Variants in RIPOR1 observed in about 807,000 individuals in gnomAD.
RIPOR1 encodes the protein RHO family interacting cell polarization regulator 1, also known as rho family-interacting cell polarization regulator 1.
RIPOR1 carries 58 observed loss-of-function variants against 116.5 expected under a neutral mutation model. The observed-to-expected ratio is 0.50, with a 90% CI of 0.40 to 0.62. The LOEUF (loss-of-function observed/expected upper bound fraction) is 0.62, where lower values mean the gene tolerates loss of function less well. Ranked by LOEUF, RIPOR1 falls within the 20% of genes least tolerant of loss-of-function variation. RIPOR1 has a pLI of 0.00. For synonymous variants in RIPOR1, 605 were observed against 650.0 expected (o/e 0.93, Z 1.05); for missense variants, 1,372 against 1,586.2 (o/e 0.86, Z 2.29).
chr16:67,522,703 C>G (rs993550978), intron 1 of RIPOR1, among the ~76,000 whole-genome samples: 1 of 152,154 alleles, frequency 6.6e-6, no homozygotes, highest in African/African-American at 2.4e-5. Flanking sequence ...CTACCCCGCC[C>G]TCACCCCACT....
At chr16:67,536,529 C>T (rs983265035) in intron 1 of RIPOR1, among the ~76,000 whole-genome samples, 9 of 152,046 alleles carry the variant, frequency 5.9e-5, no homozygotes, top group African/African-American at 2.2e-4. Flanking sequence ...GGGGCATTAG[C>T]CTAGGATGCA....
In RIPOR1 at chr16:67,541,994, T is replaced by C. The variant is rs1056995349; in HGVS notation, c.1208T>C (p.Leu403Pro). The C allele has an allele frequency of 1.2e-6, 2 of 1,612,152 alleles. No individual in the cohort carries two copies. The highest frequency in any genetic ancestry group is 8.5e-7 in the Non-Finnish European group (1 of 1,179,406). Residue 403 changes from leucine to proline, a missense_variant, in exon 13 of 22, where the codon CTG becomes CCG. Transcript: ENST00000042381. The surrounding 1 kb of genome is among the most constrained non-coding windows in gnomAD (Gnocchi z 4.6). The stretch of plus-strand genomic sequence containing the variant: ...CGCCACTCACCAGCCCCTAGGCCCC[T>C]GGTGCAGCAGCCCGAGCCCCTTCCC... ...TARHSPAPRP[L>P]VQQPEPLPIQ...
Position 67,537,257 on chromosome 16 carries a change from C to T in RIPOR1, c.-23-1167C>T, listed in dbSNP as rs1174344749. ...CCCCCTACTCTAATGTCTGATACTT[C>T]CTCCACTTAGCGTCTCCATTCTATC... On this transcript the variant is annotated intron_variant, in intron 1 of 21. Coordinates refer to ENST00000042381, the MANE Select transcript of RIPOR1 (RefSeq NM_024519.4). The surrounding 1 kb of genome is among the most constrained non-coding windows in gnomAD (Gnocchi z 4.6). Among the ~76,000 whole-genome samples the T allele has an allele frequency of 6.6e-6, 1 of 152,224 alleles. No individual in the cohort carries two copies.
chr16:67,519,945 C>T (rs1211538412), intron 1 of RIPOR1, among the ~76,000 whole-genome samples: 1 of 150,704 alleles, frequency 6.6e-6, no homozygotes, highest in African/African-American at 2.4e-5. Flanking sequence ...ACCTGTAATC[C>T]CAGCTACTCG....
chr16:67,533,269 G>T (rs1271474386), intron 1 of RIPOR1, among the ~76,000 whole-genome samples: 4 of 152,148 alleles, frequency 2.6e-5, no homozygotes, highest in Non-Finnish European at 5.9e-5. Flanking sequence ...CGCTGCATCT[G>T]GGGAGGCAGC....
At position 67,529,662 on chromosome 16, in the gene RIPOR1, T is replaced by C. The variant is rs2050601493; in HGVS notation, c.-24+748T>C. 1 of 1,212,234 alleles carries C rather than the reference T, an allele frequency of 8.2e-7. No homozygotes were observed. The highest frequency in any genetic ancestry group is 1.1e-6 in the Non-Finnish European group (1 of 875,424). The allele number at this position is 1,212,234 out of a possible 1,614,324, so 75.1% of individuals were successfully genotyped here. A position where few individuals can be genotyped will look rare whatever the true frequency, so the allele number is the denominator to read the frequency against. On this transcript the variant is annotated intron_variant, in intron 1 of 21. Coordinates refer to ENST00000042381, the MANE Select transcript of RIPOR1 (RefSeq NM_024519.4). This position sits in a 1 kb window ranked among gnomAD's most constrained non-coding sequence, Gnocchi z 4.1. Reference sequence around the variant, plus strand: ...GGTGAGCCCTGAGTCCGGCCTCCCCTACAGACCCTCCCCAGCCAGTTCTAA... The same window carrying C: ...GGTGAGCCCTGAGTCCGGCCTCCCCCACAGACCCTCCCCAGCCAGTTCTAA...
At chr16:67,523,546 A>C (rs1269130471) in intron 1 of RIPOR1, among the ~76,000 whole-genome samples, 3 of 148,688 alleles carry the variant, frequency 2.0e-5, no homozygotes, top group Admixed American at 1.3e-4. Flanking sequence ...AAAAAAAAAA[A>C]AAACAGTAGT....
upstream of RIPOR1, among the ~76,000 whole-genome samples, chr16:67,526,563 C>T (rs1034577813): frequency 1.3e-5 from 2 of 152,182 alleles, no homozygotes; most frequent in East Asian, 1.9e-4. Context: ...TGCATTTACA[C>T]GTTCAGTTAC....
rs374554782 is a variant in RIPOR1 at position 67,543,478 on chromosome 16, G to C, written c.2600+9G>C. ...GATGTTCCTGGGGACAGGTGAGGGG[G>C]CTAGGCAAGATGGGTGTGAGGCTAG... On this transcript the variant is annotated intron_variant, in intron 14 of 21. Coordinates refer to ENST00000042381, the MANE Select transcript of RIPOR1 (RefSeq NM_024519.4). The surrounding 1 kb of genome is among the most constrained non-coding windows in gnomAD (Gnocchi z 4.7). 1.2e-5 allele frequency: 18 copies of C among 1,549,620 alleles called. No homozygotes were observed. In the African/African-American group the frequency reaches 2.2e-4, roughly 19 times the overall value.
Position 67,544,313 on chromosome 16 carries a change from C to G in RIPOR1, c.2615C>G (p.Pro872Arg). 2 of 1,606,028 alleles carry G rather than the reference C, an allele frequency of 1.2e-6. No homozygotes were observed. The highest frequency in any genetic ancestry group is 1.7e-6 in the Non-Finnish European group (2 of 1,173,842). Residue 872 changes from proline to arginine, a missense_variant, in exon 15 of 22, where the codon CCG (proline) becomes CGG (arginine). Transcript: ENST00000042381. The surrounding 1 kb of genome is among the most constrained non-coding windows in gnomAD (Gnocchi z 5.1). ...TTTTCCCTCAGGCCTCCAAGCAGCC[C>G]GGAGGCTGGGGCTGAGGACAGCATA... ...DVPGDRPPSSPEAGAEDSIDS... is the reference protein window; with the variant it reads ...DVPGDRPPSSREAGAEDSIDS...
In RIPOR1 at chr16:67,546,545, G is replaced by C. The variant is rs994294946; in HGVS notation, c.*82G>C. The C allele has an allele frequency of 6.0e-5, 65 of 1,087,078 alleles. 1 individual carries two copies. In the Middle Eastern group the frequency reaches 1.3e-3, roughly 22 times the overall value. 67.3% of individuals were successfully genotyped at this position (1,087,078 alleles called of 1,614,324 possible). On this transcript the variant is annotated 3_prime_UTR_variant, in exon 22 of 22. Coordinates refer to ENST00000042381, the MANE Select transcript of RIPOR1 (RefSeq NM_024519.4). Reference sequence around the variant, plus strand: ...GCACTGGCAGGGAGGGTAAGGGCTGGCTCCAGATACCCCTCCCCCACAGAT... The same window carrying C: ...GCACTGGCAGGGAGGGTAAGGGCTGCCTCCAGATACCCCTCCCCCACAGAT...
intron 1 of RIPOR1, among the ~76,000 whole-genome samples, chr16:67,523,521 TAAAAAAA>T (rs1169903442): frequency 9.1e-5 from 4 of 44,044 alleles, no homozygotes; most frequent in Non-Finnish European, 1.5e-4. Flanking sequence ...CAAGACTCCA[TAAAAAAA>T]AAAAAAAAAA....
chr16:67,541,062 GTGTC>G lies in RIPOR1; in HGVS notation c.802-362_802-359del, dbSNP rs1472763780. On this transcript the variant is annotated intron_variant, in intron 10 of 21. Transcript: ENST00000042381. This position sits in a 1 kb window ranked among gnomAD's most constrained non-coding sequence, Gnocchi z 4.6. Reference sequence around the variant, plus strand: ...CATCCATGGCTCCATGAGCATGCATGTGTCTGTCTATCTATCTAGGAGTTGGCGG... The same window carrying G: ...CATCCATGGCTCCATGAGCATGCATGTGTCTATCTATCTAGGAGTTGGCGG... Among the ~76,000 whole-genome samples the G allele has an allele frequency of 2.0e-5, 3 of 151,852 alleles. No homozygotes were observed. Among genetic ancestry groups the G allele is most frequent in the Non-Finnish European group, 4.4e-5 (3 of 67,972 alleles).
chr16:67,546,375 G>T lies in RIPOR1; in HGVS notation c.3572G>T (p.Gly1191Val). ...TCCTCACTCATTACAGGAGAAGAGG[G>T]ACAGTCTGCCCATCGACGGCTGGAG... ...RQSLQQCGEE[G>V]QSAHRRLEES... The change falls in exon 22 of 22, where the codon GGA becomes GTA. Residue 1191 changes from glycine (G) to valine (V), a missense_variant. Physicochemically the swap from Gly to Val is moderately radical, Grantham distance 109 (BLOSUM62 -3). Around this residue, in one of 3 missense-constraint regions of RIPOR1, gnomAD observed 1,005 missense variants for 1,144.7 expected, o/e 0.88. Transcript: ENST00000042381. 1 of 1,614,000 alleles carries T rather than the reference G, an allele frequency of 6.2e-7. No homozygotes were observed. Among genetic ancestry groups the T allele is most frequent in the South Asian group, 1.1e-5 (1 of 91,084 alleles).
At position 67,541,749 on chromosome 16, in the gene RIPOR1, G is replaced by A. The variant is rs550258513; in HGVS notation, c.1047G>A (p.Pro349=). The part of the protein sequence containing the change: ...KRFSTYSQSP[P]DTPSLREQAF... ...TCTCCACCTATAGCCAGAGCCCACC[G>A]GACACACCCTCACTTCGGGAACAGG... Residue 349 remains proline, a synonymous_variant, in exon 12 of 22, where the codon CCG becomes CCA. Transcript: ENST00000042381. This position sits in a 1 kb window ranked among gnomAD's most constrained non-coding sequence, Gnocchi z 4.6. The A allele has an allele frequency of 5.5e-4, 883 of 1,614,008 alleles. 20 individuals carry two copies. The South Asian group carries it at 8.4e-3, about 15-fold the overall frequency.
At position 67,537,587 on chromosome 16, in the gene RIPOR1, C is replaced by A. The variant is rs996069270; in HGVS notation, c.-23-837C>A. On this transcript the variant is annotated intron_variant, in intron 1 of 21. Coordinates refer to ENST00000042381, the MANE Select transcript of RIPOR1 (RefSeq NM_024519.4). The surrounding 1 kb of genome is among the most constrained non-coding windows in gnomAD (Gnocchi z 4.6). ...GCCGTCCCGGACCCACCATGAACAC[C>A]AAGAAGAGAGGTAGGACCCAGCTCG... 1 of 1,422,412 alleles carries A rather than the reference C, an allele frequency of 7.0e-7. No individual in the cohort carries two copies. The highest frequency in any genetic ancestry group is 9.2e-7 in the Non-Finnish European group (1 of 1,087,332). 88.1% of individuals were successfully genotyped at this position (1,422,412 alleles called of 1,614,324 possible).
upstream of RIPOR1, among the ~76,000 whole-genome samples, chr16:67,527,847 C>G (rs899814164): frequency 1.4e-5 from 2 of 141,574 alleles, no homozygotes; most frequent in Admixed American, 1.4e-4. Context: ...CAGTGACACT[C>G]TGTCTCAAAA....
intron 6 of RIPOR1, 73 bp from the exon 7 acceptor site, chr16:67,539,980 G>A: frequency 1.2e-6 from 2 of 1,613,676 alleles, no homozygotes; most frequent in Non-Finnish European, 1.7e-6. Context: ...GGCCCTGGGT[G>A]AGCAACCTTA....
chr16:67,531,600 G>A lies in RIPOR1; in HGVS notation c.-24+2686G>A, dbSNP rs1375629308. The A allele has an allele frequency of 4.4e-6, 2 of 454,684 alleles. No homozygotes were observed. Among genetic ancestry groups the A allele is most frequent in the Admixed American group, 2.4e-5 (1 of 42,438 alleles). The allele number at this position is 454,684 out of a possible 1,614,324, so 28.2% of individuals were successfully genotyped here. On this transcript the variant is annotated intron_variant, in intron 1 of 21. Coordinates refer to ENST00000042381, the MANE Select transcript of RIPOR1 (RefSeq NM_024519.4). The surrounding 1 kb of genome is among the most constrained non-coding windows in gnomAD (Gnocchi z 4.2). ...GGAAGAAGGAATAGGAGCGATGGGG[G>A]CTGCCGGTCAGATTCTGAAGAACCT...
Sources: gnomAD v4.1 joint callset for allele counts (sites outside exome capture counted in the v4.1 genomes callset) on GRCh38, gnomAD v4.1.1 for gene constraint, gnomAD v4.1.1 regional missense constraint, Gnocchi (gnomAD v3.1) non-coding constraint, MANE v1.5 for transcripts, NCBI Gene and HGNC (gene_info 2026-07-23, HGNC 2026-07-21) for gene names.